Variants in DMXL2 observed in about 807,000 individuals in gnomAD.
DMXL2 encodes dmX-like protein 2.
In DMXL2, 103 loss-of-function variants were observed where a neutral mutation model predicts 331.1. The observed-to-expected ratio is 0.31, with a 90% CI of 0.27 to 0.37. The LOEUF (loss-of-function observed/expected upper bound fraction) is 0.37. DMXL2 is among the 10% of genes least tolerant of loss of function. The pLI is 1.00. For synonymous variants in DMXL2, 1,281 were observed against 1,252.1 expected, an observed-to-expected ratio of 1.02 and a Z score of -0.49; for missense variants, 3,171 against 3,642.9, an observed-to-expected ratio of 0.87 and a Z score of 3.33.
At chr15:51,543,036 T>C (rs1467706930) in intron 8 of DMXL2, among the ~76,000 whole-genome samples, 1 of 152,150 alleles carries the variant, frequency 6.6e-6, no homozygotes, top group African/African-American at 2.4e-5. Flanking sequence ...CTCATTAAAA[T>C]GTTGATCTTT....
At chr15:51,582,494 T>A (rs1236224614) in intron 1 of DMXL2, among the ~76,000 whole-genome samples, 3 of 152,124 alleles carry the variant, frequency 2.0e-5, no homozygotes, top group Admixed American at 2.0e-4. Context: ...TACCAAGAGA[T>A]CTTATAGAAA....
At chr15:51,563,646 G>T (rs1407430867) in intron 5 of DMXL2, among the ~76,000 whole-genome samples, 199 bp from the exon 6 acceptor site, 1 of 151,946 alleles carries the variant, frequency 6.6e-6, no homozygotes, top group African/African-American at 2.4e-5. Context: ...ATTCACTTTG[G>T]GAAAAGAAGA....
intron 1 of DMXL2, among the ~76,000 whole-genome samples, chr15:51,604,477 T>G (rs539976796): frequency 1.3e-4 from 19 of 151,032 alleles, no homozygotes; most frequent in African/African-American, 4.6e-4. Context: ...CATGAACAAC[T>G]GGAAACAATT....
intron 17 of DMXL2, among the ~76,000 whole-genome samples, chr15:51,502,159 G>T (rs1368412887): frequency 6.6e-6 from 1 of 151,262 alleles, no homozygotes; most frequent in Non-Finnish European, 1.5e-5. Flanking sequence ...TGTGAACCCG[G>T]GAGGTGGAGC....
chr15:51,476,762 T>G lies in DMXL2; in HGVS notation c.6834-43A>C, dbSNP rs747596330. On this transcript the variant is annotated intron_variant, in intron 26 of 43. Transcript: ENST00000560891. ...AGTTATTTATCATCCTGAGAGGTAATAAAAAATTGCACTTTATGTATATCA... is the reference window on the plus strand; with the variant it reads ...AGTTATTTATCATCCTGAGAGGTAAGAAAAAATTGCACTTTATGTATATCA... The G allele has an allele frequency of 2.6e-6, 4 of 1,522,984 alleles. No individual in the cohort carries two copies. In the Admixed American group the frequency reaches 7.4e-5, roughly 28 times the overall value. The allele number at this position is 1,522,984 out of a possible 1,614,324, so 94.3% of individuals were successfully genotyped here.
At chr15:51,599,883 T>C (rs866267046) in intron 1 of DMXL2, among the ~76,000 whole-genome samples, 1 of 152,072 alleles carries the variant, frequency 6.6e-6, no homozygotes, top group Middle Eastern at 3.2e-3. Context: ...GTATTTTTAG[T>C]AGAGACAGGG....
At chr15:51,565,331 C>T (rs985709985) in intron 3 of DMXL2, among the ~76,000 whole-genome samples, 165 bp from the exon 4 acceptor site, 3 of 152,046 alleles carry the variant, frequency 2.0e-5, no homozygotes, top group Admixed American at 6.6e-5. Context: ...TTTAACGTAA[C>T]TTTCATTGGT....
chr15:51,515,883 T>C (rs1215228325), intron 14 of DMXL2, among the ~76,000 whole-genome samples: 1 of 152,096 alleles, frequency 6.6e-6, no homozygotes, highest in Non-Finnish European at 1.5e-5. Context: ...TCTTCTACAT[T>C]CCTATTGAGT....
intron 18 of DMXL2, among the ~76,000 whole-genome samples, chr15:51,495,898 C>G (rs1426429846): frequency 1.3e-5 from 2 of 151,964 alleles, no homozygotes; most frequent in Non-Finnish European, 2.9e-5. Context: ...AGCTCTGCTT[C>G]CCATTACCTA....
At chr15:51,507,632 A>C (rs888095531) in intron 15 of DMXL2, among the ~76,000 whole-genome samples, 40 of 152,200 alleles carry the variant, frequency 2.6e-4, no homozygotes, top group African/African-American at 9.4e-4. Flanking sequence ...GCAGCAGCAG[A>C]AGAATGGGAG....
At chr15:51,570,078 C>T (rs972043202) in intron 2 of DMXL2, among the ~76,000 whole-genome samples, 3 of 152,068 alleles carry the variant, frequency 2.0e-5, no homozygotes, top group East Asian at 1.9e-4. Context: ...TGAGAATAAT[C>T]AGCTTAGAGA....
chr15:51,501,961 T>G (rs1222563455), intron 17 of DMXL2, among the ~76,000 whole-genome samples: 18 of 147,126 alleles, frequency 1.2e-4, no homozygotes, highest in African/African-American at 4.6e-4. Context: ...CCGGGCGTGG[T>G]GGCTCACACC....
At chr15:51,462,142 A>G (rs1362702451) in intron 33 of DMXL2, among the ~76,000 whole-genome samples, 3 of 152,188 alleles carry the variant, frequency 2.0e-5, no homozygotes, top group African/African-American at 7.2e-5. Context: ...GGCTGACCAC[A>G]ATTACCATTC....
intron 3 of DMXL2, among the ~76,000 whole-genome samples, chr15:51,566,345 A>T (rs2050289028): frequency 6.6e-6 from 1 of 152,020 alleles, no homozygotes; most frequent in Non-Finnish European, 1.5e-5. Context: ...AGAAAATGCT[A>T]TTTTTAAACC....
chr15:51,513,579 C>T (rs1439221529), intron 15 of DMXL2, among the ~76,000 whole-genome samples: 2 of 152,154 alleles, frequency 1.3e-5, no homozygotes, highest in Non-Finnish European at 2.9e-5. Flanking sequence ...AGGAAATTGT[C>T]TGCACAAATT....
At chr15:51,452,670 A>G (rs2039253908) in intron 41 of DMXL2, among the ~76,000 whole-genome samples, 1 of 152,180 alleles carries the variant, frequency 6.6e-6, no homozygotes, top group Non-Finnish European at 1.5e-5. Context: ...ACCACCATGA[A>G]AAACAGTATA....
At position 51,466,983 on chromosome 15, in the gene DMXL2, C is replaced by T. The variant is rs532741759; in HGVS notation, c.7393-672G>A. Among the ~76,000 whole-genome samples, 30 of 151,550 alleles carry T rather than the reference C, an allele frequency of 2.0e-4. 1 individual carries two copies. Among genetic ancestry groups the T allele is most frequent in the African/African-American group, 5.3e-4 (22 of 41,342 alleles). On this transcript the variant is annotated intron_variant, in intron 29 of 43. Transcript: ENST00000560891. ...AAAAATATAATACAAAAATCATACA[C>T]GTATAAGAAGTTAATCTGACAAAGG...
chr15:51,588,912 G>A (rs2052070599), intron 1 of DMXL2, among the ~76,000 whole-genome samples: 1 of 152,142 alleles, frequency 6.6e-6, no homozygotes. Flanking sequence ...TATTTCTGTG[G>A]CTGTACACAA....
chr15:51,614,378 C>T (rs535207367), intron 1 of DMXL2, among the ~76,000 whole-genome samples: 18 of 152,316 alleles, frequency 1.2e-4, no homozygotes, highest in African/African-American at 3.6e-4. Context: ...AATCTCTACA[C>T]TCCAGGTATT....
Sources: allele counts gnomAD v4.1 joint callset (sites outside exome capture counted in the v4.1 genomes callset), GRCh38; gene constraint gnomAD v4.1.1; transcripts MANE v1.5; gene names NCBI Gene and HGNC (gene_info 2026-07-23, HGNC 2026-07-21).